Variants in VIT observed in about 807,000 individuals in gnomAD.
VIT encodes vitrin.
In VIT, 99 loss-of-function variants were observed where a neutral mutation model predicts 78.0. The ratio of observed to expected loss-of-function variants is 1.27; its 90% CI spans 1.08 to 1.50. VIT has a LOEUF of 1.50. Among genes scored for constraint, VIT ranks in the 40% most tolerant of loss-of-function variants. The pLI is 0.00. For missense variants in VIT, 1,126 were observed against 875.3 expected (o/e 1.29, Z -3.61); for synonymous variants, 374 against 334.3 (o/e 1.12, Z -1.29).
In VIT at chr2:36,754,241, C is replaced by T. The variant is rs117997095; in HGVS notation, c.276-680C>T. 5.2e-4 allele frequency among the ~76,000 whole-genome samples: 79 copies of T among 152,124 alleles called. 1 individual carries two copies. The East Asian group carries it at 0.013, about 26-fold the overall frequency. ...TTGATGGGGAGAAATCTACATCTCC[C>T]GGTGCCAGAAATTAAGGATACCCAA... On this transcript the variant is annotated intron_variant, in intron 4 of 15. Transcript: ENST00000379242.
At chr2:36,802,818 C>T (rs949387720) in intron 13 of VIT, among the ~76,000 whole-genome samples, 1 of 152,136 alleles carries the variant, frequency 6.6e-6, no homozygotes, top group Non-Finnish European at 1.5e-5. Flanking sequence ...GGACAGAATC[C>T]GTTCAACTGA....
At chr2:36,800,603 T>C (rs1456337068) in intron 12 of VIT, among the ~76,000 whole-genome samples, 1 of 152,140 alleles carries the variant, frequency 6.6e-6, no homozygotes, top group Non-Finnish European at 1.5e-5. Flanking sequence ...CACCTCATCT[T>C]GGGTGCGATG....
intron 1 of VIT, among the ~76,000 whole-genome samples, chr2:36,714,401 A>T (rs1481427474): frequency 6.6e-6 from 1 of 152,046 alleles, no homozygotes; most frequent in East Asian, 1.9e-4. Flanking sequence ...TGGTAGGAGG[A>T]TTTGCTACCA....
chr2:36,811,151 A>G (rs535721592), intron 15 of VIT, among the ~76,000 whole-genome samples: 114 of 152,282 alleles, frequency 7.5e-4, no homozygotes, highest in South Asian at 7.5e-3. Context: ...GGTGGCCTGC[A>G]TGCCAACAAT....
At chr2:36,797,173 C>T (rs1345336593) in intron 12 of VIT, among the ~76,000 whole-genome samples, 2 of 150,926 alleles carry the variant, frequency 1.3e-5, no homozygotes, top group Non-Finnish European at 2.9e-5. Flanking sequence ...TTTAAGGACT[C>T]TGAAGCTTAT....
At chr2:36,751,121 T>C (rs1486315145) in intron 4 of VIT, among the ~76,000 whole-genome samples, 1 of 150,542 alleles carries the variant, frequency 6.6e-6, no homozygotes, top group Non-Finnish European at 1.5e-5. Flanking sequence ...TTTAGCTGGG[T>C]GTGGTGGCTC....
chr2:36,792,983 AGGCT>A (rs1192843446), intron 12 of VIT, among the ~76,000 whole-genome samples: 1 of 152,194 alleles, frequency 6.6e-6, no homozygotes, highest in African/African-American at 2.4e-5. Context: ...ATCATCTGGG[AGGCT>A]GTTAGAAATG....
At chr2:36,781,107 A>C (rs1664722397) in intron 9 of VIT, among the ~76,000 whole-genome samples, 1 of 152,200 alleles carries the variant, frequency 6.6e-6, no homozygotes, top group Non-Finnish European at 1.5e-5. Flanking sequence ...TGAGTCACAC[A>C]GTGAGAAGCA....
intron 7 of VIT, among the ~76,000 whole-genome samples, chr2:36,768,630 A>C (rs1420263765): frequency 6.6e-6 from 1 of 152,174 alleles, no homozygotes; most frequent in Non-Finnish European, 1.5e-5. Flanking sequence ...CAGCCTACAC[A>C]GCTGGGAAGT....
At chr2:36,717,423 AGACAGGGTTTCACCG>A (rs1558510835) in intron 2 of VIT, among the ~76,000 whole-genome samples, 4 of 49,938 alleles carry the variant, frequency 8.0e-5, no homozygotes, top group Non-Finnish European at 7.6e-5. Context: ...TCACCGTGTG[AGACAGGGTTTCACCG>A]TGTTAGCCAG....
In VIT at chr2:36,808,949, G is replaced by GACA; in HGVS notation, c.1869_1870insAAC (p.Asp623_Val624insAsn). On this transcript the variant is annotated inframe_insertion, in exon 15 of 16. Transcript: ENST00000379242. Reference sequence around the variant, plus strand: ...CATCACCGACGGGAGGTCCTACGACGACGTCCGGATCCCAGCCATGGCTGC... The same window carrying GACA: ...CATCACCGACGGGAGGTCCTACGACGACAACGTCCGGATCCCAGCCATGGCTGC... The GACA allele has an allele frequency of 6.2e-7, 1 of 1,605,338 alleles. No individual in the cohort carries two copies. The highest frequency in any genetic ancestry group is 8.5e-7 in the Non-Finnish European group (1 of 1,174,332).
Position 36,772,508 on chromosome 2 carries a change from C to G in VIT, c.680-1283C>G, listed in dbSNP as rs192534512. 2.5e-3 allele frequency among the ~76,000 whole-genome samples: 383 copies of G among 152,308 alleles called. 1 individual carries two copies. The highest frequency in any genetic ancestry group is 4.4e-3 in the Admixed American group (67 of 15,300). Reference sequence around the variant, plus strand: ...CGAGATCATGCCATTGCACTCCAGCCTGGGCAACAAGAGCGAAACTCCATC... The same window carrying G: ...CGAGATCATGCCATTGCACTCCAGCGTGGGCAACAAGAGCGAAACTCCATC... On this transcript the variant is annotated intron_variant, in intron 7 of 15. Transcript: ENST00000379242.
At chr2:36,723,799 A>C (rs1347201304) in intron 2 of VIT, among the ~76,000 whole-genome samples, 1 of 152,042 alleles carries the variant, frequency 6.6e-6, no homozygotes, top group East Asian at 1.9e-4. Flanking sequence ...AAAAAATAAA[A>C]AAGTAGCCAG....
At chr2:36,810,373 G>A (rs1042506810) in intron 15 of VIT, among the ~76,000 whole-genome samples, 1 of 152,190 alleles carries the variant, frequency 6.6e-6, no homozygotes, top group African/African-American at 2.4e-5. Flanking sequence ...TGAAAAATGA[G>A]CAAAATATGT....
At chr2:36,724,493 T>A (rs1666715988) in intron 2 of VIT, among the ~76,000 whole-genome samples, 1 of 152,160 alleles carries the variant, frequency 6.6e-6, no homozygotes, top group African/African-American at 2.4e-5. Flanking sequence ...TTCCCCAACT[T>A]CAACATGCAA....
chr2:36,761,190 G>T (rs1431670098), intron 6 of VIT, among the ~76,000 whole-genome samples: 5 of 152,204 alleles, frequency 3.3e-5, no homozygotes, highest in South Asian at 4.1e-4. Flanking sequence ...CTCCTGGCAG[G>T]TCCCCACAAT....
intron 13 of VIT, among the ~76,000 whole-genome samples, chr2:36,803,792 G>A (rs561913501): frequency 6.6e-6 from 1 of 152,180 alleles, no homozygotes; most frequent in East Asian, 1.9e-4. Flanking sequence ...AAAGTCTAAA[G>A]AAGGTGCTTC....
intron 4 of VIT, among the ~76,000 whole-genome samples, chr2:36,746,567 A>G (rs1344948429): frequency 2.6e-5 from 4 of 151,920 alleles, no homozygotes; most frequent in Admixed American, 2.6e-4. Context: ...TTTCCTGTAG[A>G]TTTTCTAGCT....
chr2:36,742,932 C>T (rs968314129), intron 3 of VIT, among the ~76,000 whole-genome samples, 168 bp from the exon 4 acceptor site: 7 of 152,158 alleles, frequency 4.6e-5, no homozygotes, highest in African/African-American at 1.7e-4. Context: ...TTCTTTTGGT[C>T]TGGGAAATGT....
Sources: gnomAD v4.1 joint callset for allele counts (sites outside exome capture counted in the v4.1 genomes callset) on GRCh38, gnomAD v4.1.1 for gene constraint, MANE v1.5 for transcripts, NCBI Gene and HGNC (gene_info 2026-07-23, HGNC 2026-07-21) for gene names.